DPP10: variants seen among roughly 807,000 people sequenced by gnomAD.
DPP10 encodes the protein dipeptidyl peptidase like 10, also known as inactive dipeptidyl peptidase 10.
A neutral mutation model predicts 120.9 loss-of-function variants in DPP10; 33 were observed. That is an observed-to-expected ratio of 0.27 (90% CI 0.21 to 0.37). The LOEUF (loss-of-function observed/expected upper bound fraction) is 0.37. Among genes scored for constraint, DPP10 ranks in the 10% least tolerant of loss-of-function variants. DPP10 has a pLI of 1.00. For missense variants in DPP10, 816 were observed against 942.8 expected (o/e 0.87, Z 1.76); for synonymous variants, 337 against 326.1 (o/e 1.03, Z -0.36).
At chr2:115,827,485 C>T (rs1688494035) in intron 21 of DPP10, among the ~76,000 whole-genome samples, 1 of 142,222 alleles carries the variant, frequency 7.0e-6, no homozygotes, top group Non-Finnish European at 1.5e-5. Flanking sequence ...CTATTTCTGA[C>T]CTTTATGCCA....
At chr2:115,162,308 G>C in intron 1 of DPP10, 1 of 1,498,488 alleles carries the variant, frequency 6.7e-7, no homozygotes, top group Non-Finnish European at 8.9e-7. Context: ...ACCCCGGCGG[G>C]CGGCCCACCG....
chr2:114,658,038 T>A (rs1697093772), intron 1 of DPP10, among the ~76,000 whole-genome samples: 1 of 152,176 alleles, frequency 6.6e-6, no homozygotes, highest in African/African-American at 2.4e-5. Flanking sequence ...TTTGTGTGTG[T>A]GAGAGAATAT....
chr2:115,807,063 A>C (rs1233612565), intron 19 of DPP10, among the ~76,000 whole-genome samples: 1 of 152,346 alleles, frequency 6.6e-6, no homozygotes, highest in Non-Finnish European at 1.5e-5. Flanking sequence ...ATCAAATGCT[A>C]TCCTAGCTCT....
At chr2:115,018,050 G>C (rs1420896494) in intron 1 of DPP10, among the ~76,000 whole-genome samples, 1 of 151,052 alleles carries the variant, frequency 6.6e-6, no homozygotes, top group African/African-American at 2.4e-5. Flanking sequence ...GTGGGCAAAG[G>C]ATATGAACAG....
chr2:115,580,963 G>A (rs1558879032), intron 5 of DPP10, among the ~76,000 whole-genome samples: 2 of 152,144 alleles, frequency 1.3e-5, no homozygotes, highest in African/African-American at 2.4e-5. Context: ...GTTAAGGTAC[G>A]GAAAATGAGG....
rs565730679 is a variant in DPP10, at chr2:115,004,516, G to A, written c.61-304723G>A. Among the ~76,000 whole-genome samples the A allele has an allele frequency of 3.5e-4, 54 of 152,264 alleles. 2 individuals carry two copies. In the South Asian group the frequency reaches 8.3e-3, roughly 23 times the overall value. ...GCACAGGTCAGTGGGTGCGTGCACC[G>A]TGCGCGAGCCAAAGCAGGGCGAGGC... is the stretch of plus-strand genomic sequence containing the variant. On this transcript the variant is annotated intron_variant, in intron 1 of 25. Coordinates refer to ENST00000410059, the MANE Select transcript of DPP10 (RefSeq NM_020868.6).
At chr2:115,680,893 G>T (rs1203373034) in intron 5 of DPP10, among the ~76,000 whole-genome samples, 1 of 151,846 alleles carries the variant, frequency 6.6e-6, no homozygotes, top group Non-Finnish European at 1.5e-5. Flanking sequence ...ACAGGAAAAA[G>T]ACACTGATAT....
At chr2:115,619,873 G>T (rs542525705) in intron 5 of DPP10, among the ~76,000 whole-genome samples, 1 of 152,178 alleles carries the variant, frequency 6.6e-6, no homozygotes, top group Non-Finnish European at 1.5e-5. Context: ...GTAGATGAAC[G>T]AGTGATTTAA....
chr2:114,524,351 C>T (rs1461386989), intron 1 of DPP10, among the ~76,000 whole-genome samples: 1 of 152,192 alleles, frequency 6.6e-6, no homozygotes, highest in African/African-American at 2.4e-5. Flanking sequence ...CCAGATAACG[C>T]AGGATCCCAT....
At chr2:115,281,304 G>T (rs1251254973) in intron 1 of DPP10, among the ~76,000 whole-genome samples, 5 of 152,140 alleles carry the variant, frequency 3.3e-5, no homozygotes, top group African/African-American at 4.8e-5. Context: ...GTGTTCCGAA[G>T]ACTTATTCTC....
At chr2:115,517,603 A>G (rs1293214171) in intron 4 of DPP10, among the ~76,000 whole-genome samples, 1 of 152,130 alleles carries the variant, frequency 6.6e-6, no homozygotes, top group Non-Finnish European at 1.5e-5. Flanking sequence ...TGGTTATATG[A>G]TATGCCATTC....
chr2:114,926,881 C>G (rs367910049), intron 1 of DPP10, among the ~76,000 whole-genome samples: 1 of 142,362 alleles, frequency 7.0e-6, no homozygotes, highest in East Asian at 2.1e-4. Flanking sequence ...GACAGAGTCT[C>G]GCTATGTCCC....
At chr2:115,526,227 T>C (rs543640277) in intron 5 of DPP10, 10 of 366,898 alleles carry the variant, frequency 2.7e-5, no homozygotes, top group East Asian at 4.9e-5. Flanking sequence ...CAGAGGAGAA[T>C]GTGGCAGAGT....
At chr2:115,609,376 T>C (rs555821840) in intron 5 of DPP10, among the ~76,000 whole-genome samples, 1 of 152,012 alleles carries the variant, frequency 6.6e-6, no homozygotes, top group Non-Finnish European at 1.5e-5. Flanking sequence ...AAAGTTGATA[T>C]GAGATTGATG....
intron 1 of DPP10, among the ~76,000 whole-genome samples, chr2:114,852,092 T>C (rs1473956682): frequency 6.7e-6 from 1 of 150,094 alleles, no homozygotes; most frequent in Non-Finnish European, 1.5e-5. Flanking sequence ...TTTCCACTTA[T>C]GCCATCCCAC....
chr2:115,815,047 C>A, intron 20 of DPP10, 60 bp downstream of exon 20: 1 of 1,455,764 alleles, frequency 6.9e-7, no homozygotes. Context: ...TGGTATATGA[C>A]ATATAATATT....
At position 115,323,664 on chromosome 2, in the gene DPP10, G is replaced by T. The variant is rs1607914; in HGVS notation, c.175+14311G>T. Among the ~76,000 whole-genome samples the T allele has an allele frequency of 2.9e-4, 44 of 152,140 alleles. No individual in the cohort carries two copies. The South Asian group carries it at 5.0e-3, about 17-fold the overall frequency. On this transcript the variant is annotated intron_variant, in intron 2 of 25. Coordinates refer to ENST00000410059, the MANE Select transcript of DPP10 (RefSeq NM_020868.6). ...AATCAAAATTACTCCTTGATCCGTA[G>T]GCTGCAGAATGGATGTTGTGTTAGC... is the stretch of plus-strand genomic sequence containing the variant.
At chr2:115,662,580 A>G (rs1486183812) in intron 5 of DPP10, among the ~76,000 whole-genome samples, 1 of 152,190 alleles carries the variant, frequency 6.6e-6, no homozygotes, top group Non-Finnish European at 1.5e-5. Flanking sequence ...TCAAAACCAC[A>G]CTGAAATATC....
intron 5 of DPP10, among the ~76,000 whole-genome samples, chr2:115,587,089 CTTTTTTT>C (rs756810925): frequency 1.3e-4 from 14 of 103,908 alleles, no homozygotes; most frequent in Admixed American, 1.0e-3. Flanking sequence ...TTTTCTCTTT[CTTTTTTT>C]TTTTTTTTTT....
Sources: allele counts gnomAD v4.1 joint callset (sites outside exome capture counted in the v4.1 genomes callset), GRCh38; gene constraint gnomAD v4.1.1; transcripts MANE v1.5; gene names NCBI Gene and HGNC (gene_info 2026-07-23, HGNC 2026-07-21).